The following CCNF variants were observed in gnomAD, a reference collection of about 807,000 sequenced individuals.
The protein encoded by CCNF is cyclin-F.
In CCNF, 30 loss-of-function variants were observed where a neutral mutation model predicts 85.4. The observed-to-expected ratio is 0.35, with a 90% CI of 0.26 to 0.48. The LOEUF (loss-of-function observed/expected upper bound fraction) is 0.48. Ranked by LOEUF, CCNF falls within the 20% of genes least tolerant of loss-of-function variation. The probability of loss-of-function intolerance (pLI) is 0.99; values close to 1 mark genes in which losing one functional copy is unlikely to be tolerated. For synonymous variants in CCNF, 439 were observed against 425.1 expected, an observed-to-expected ratio of 1.03 and a Z score of -0.40; for missense variants, 919 against 1,010.4, an observed-to-expected ratio of 0.91 and a Z score of 1.23.
chr16:2,449,964 T>A (rs764400572), intron 13 of CCNF, 49 bp downstream of exon 13: 93 of 1,337,228 alleles, frequency 7.0e-5, no homozygotes, highest in Non-Finnish European at 9.4e-5. Flanking sequence ...CCCAGCACTT[T>A]GGGAGGCCGA....
At chr16:2,437,028 G>A in intron 4 of CCNF, 101 bp from the exon 5 acceptor site, 1 of 992,650 alleles carries the variant, frequency 1.0e-6, no homozygotes, top group Non-Finnish European at 1.5e-6. Flanking sequence ...TTTGCACTAT[G>A]GTGGGCTTCA....
chr16:2,435,666 CATATATATATATAT>C lies in CCNF; in HGVS notation c.279-115_279-102del, dbSNP rs71148135. 77 of 42,684 alleles carry C rather than the reference CATATATATATATAT, an allele frequency of 1.8e-3. 5 individuals carry two copies. The South Asian group carries it at 0.031, about 17-fold the overall frequency. The allele number at this position is 42,684 out of a possible 1,614,324, so 2.6% of individuals were successfully genotyped here. A position where few individuals can be genotyped will look rare whatever the true frequency, so the allele number is the denominator to read the frequency against. ...ACACATATATATATGCACACACACA[CATATATATATATAT>C]ATATATATATATATATATATATATT... On this transcript the variant is annotated intron_variant, in intron 3 of 16. Transcript: ENST00000397066.
intron 8 of CCNF, 44 bp from the exon 9 acceptor site, chr16:2,443,605 A>C: frequency 1.3e-6 from 2 of 1,596,422 alleles, no homozygotes; most frequent in South Asian, 1.1e-5. Context: ...GAAAACTGCA[A>C]CATGGCTGCT....
At position 2,452,571 on chromosome 16, in the gene CCNF, CCTTT is replaced by C. The variant is rs1442621786; in HGVS notation, c.1488-638_1488-635del. On this transcript the variant is annotated intron_variant, in intron 13 of 16. Transcript: ENST00000397066. This position sits in a 1 kb window ranked among gnomAD's most constrained non-coding sequence, Gnocchi z 4.1. ...GAAACGTTATTTAGAAACTACACTT[CCTTT>C]GATTGTGTGATTTAACGGGCTTTTA... is the stretch of plus-strand genomic sequence containing the variant. The C allele has an allele frequency of 1.3e-5, 2 of 152,390 alleles. No homozygotes were observed. The highest frequency in any genetic ancestry group is 2.4e-5 in the African/African-American group (1 of 41,458). The allele number at this position is 152,390 out of a possible 1,614,324, so 9.4% of individuals were successfully genotyped here.
intron 2 of CCNF, among the ~76,000 whole-genome samples, chr16:2,431,539 G>A (rs1465271074): frequency 6.6e-6 from 1 of 151,826 alleles, no homozygotes; most frequent in Admixed American, 6.6e-5. Flanking sequence ...AATTAGCCGG[G>A]CGTGGTGTCT....
intron 15 of CCNF, among the ~76,000 whole-genome samples, chr16:2,455,153 C>T (rs896088644): frequency 5.9e-5 from 9 of 152,150 alleles, no homozygotes; most frequent in Admixed American, 1.3e-4. Context: ...ACAGCTGAGC[C>T]GGGTGGGCTG....
intron 10 of CCNF, among the ~76,000 whole-genome samples, chr16:2,447,559 G>A (rs116939419): frequency 0.014 from 2,193 of 152,132 alleles, 24 homozygotes; most frequent in Non-Finnish European, 0.02. Context: ...ACTGCAGCCT[G>A]GGCAATGGCG....
At chr16:2,439,256 C>T in intron 6 of CCNF, 97 bp from the exon 7 acceptor site, 2 of 998,852 alleles carry the variant, frequency 2.0e-6, no homozygotes, top group Non-Finnish European at 3.0e-6. Context: ...CAGGATGGCG[C>T]CATTGCACTC....
At chr16:2,449,534 A>C in intron 12 of CCNF, 72 bp downstream of exon 12, 2 of 1,440,310 alleles carry the variant, frequency 1.4e-6, no homozygotes, top group Non-Finnish European at 1.9e-6. Flanking sequence ...TGTGGGGAGG[A>C]AAAGAGTCCA....
chr16:2,438,510 G>A (rs559137642), intron 6 of CCNF, among the ~76,000 whole-genome samples: 3 of 152,116 alleles, frequency 2.0e-5, no homozygotes, highest in Admixed American at 1.3e-4. Flanking sequence ...GCGTGGTGGC[G>A]GGTGCCCATA....
intron 9 of CCNF, among the ~76,000 whole-genome samples, chr16:2,444,082 G>T (rs1455490006): frequency 2.0e-5 from 3 of 151,888 alleles, no homozygotes; most frequent in African/African-American, 7.3e-5. Flanking sequence ...ACCATGCCCG[G>T]CTAATTTTTT....
chr16:2,449,187 A>G, intron 11 of CCNF, 95 bp from the exon 12 acceptor site: 1 of 1,511,880 alleles, frequency 6.6e-7, no homozygotes, highest in Non-Finnish European at 9.2e-7. Context: ...CGGCGTGAAC[A>G]TCATCCGGGC....
Position 2,457,516 on chromosome 16 carries a change from T to C in CCNF, c.*496T>C, listed in dbSNP as rs906809037. ...GTCCCCTCATCCACCTCGGCCTGCATGGGGCACCCACTTCCTTCTGGGTGG... is the reference window on the plus strand; with the variant it reads ...GTCCCCTCATCCACCTCGGCCTGCACGGGGCACCCACTTCCTTCTGGGTGG... On this transcript the variant is annotated 3_prime_UTR_variant, in exon 17 of 17. Coordinates refer to ENST00000397066, the MANE Select transcript of CCNF (RefSeq NM_001761.3). 5 of 155,274 alleles carry C rather than the reference T, an allele frequency of 3.2e-5. No individual in the cohort carries two copies. Among genetic ancestry groups the C allele is most frequent in the African/African-American group, 1.2e-4 (5 of 41,486 alleles). 9.6% of individuals were successfully genotyped at this position (155,274 alleles called of 1,614,324 possible).
chr16:2,450,887 T>C (rs1474177007), intron 13 of CCNF, among the ~76,000 whole-genome samples: 3 of 152,232 alleles, frequency 2.0e-5, no homozygotes, highest in Non-Finnish European at 4.4e-5. Flanking sequence ...TCTGCCCTGA[T>C]GCAGCTGCTG....
In CCNF at chr16:2,439,335, T is replaced by C; in HGVS notation, c.595-18T>C. 2 of 1,568,078 alleles carry C rather than the reference T, an allele frequency of 1.3e-6. No individual in the cohort carries two copies. Among genetic ancestry groups the C allele is most frequent in the Non-Finnish European group, 1.7e-6 (2 of 1,148,566 alleles). On this transcript the variant is annotated intron_variant, in intron 6 of 16. Coordinates refer to ENST00000397066, the MANE Select transcript of CCNF (RefSeq NM_001761.3). The stretch of plus-strand genomic sequence containing the variant: ...AAAAGAATAAGGGAACAATGAACTC[T>C]GCTGGGATTTATTCTAGGATGAGGA...
At chr16:2,441,673 C>T (rs1432095755) in intron 8 of CCNF, among the ~76,000 whole-genome samples, 7 of 151,710 alleles carry the variant, frequency 4.6e-5, no homozygotes, top group Non-Finnish European at 1.0e-4. Flanking sequence ...CCTGCCACCA[C>T]GCCCAGCTAA....
chr16:2,436,084 C>T (rs917804525), intron 4 of CCNF: 2 of 456,552 alleles, frequency 4.4e-6, no homozygotes, highest in Non-Finnish European at 7.8e-6. Flanking sequence ...ACGAAAGTCG[C>T]CTCTTGTTTT....
rs1567381529 is a variant in CCNF at position 2,431,134 on chromosome 16, C to G, written c.21C>G (p.Val7=). Residue 7 remains valine, a synonymous_variant, in exon 2 of 17, where the codon GTC becomes GTG. Coordinates refer to ENST00000397066, the MANE Select transcript of CCNF (RefSeq NM_001761.3). MGSGGV[V]HCRCAKCFCY... is the part of the protein sequence containing the mutation. Reference sequence around the variant, plus strand: ...TTCTGTCTTTTTTTCCTTCAGTGGTCCACTGTAGGTGTGCCAAGTGTTTCT... The same window carrying G: ...TTCTGTCTTTTTTTCCTTCAGTGGTGCACTGTAGGTGTGCCAAGTGTTTCT... The G allele has an allele frequency of 1.2e-6, 2 of 1,613,554 alleles. No homozygotes were observed. The highest frequency in any genetic ancestry group is 8.5e-7 in the Non-Finnish European group (1 of 1,179,816).
chr16:2,440,021 G>A (rs945858958), intron 8 of CCNF, among the ~76,000 whole-genome samples, 195 bp downstream of exon 8: 5 of 152,184 alleles, frequency 3.3e-5, no homozygotes, highest in Non-Finnish European at 5.9e-5. Context: ...GAGAAGAGCT[G>A]GGAAATGCGT....
Sources: gnomAD v4.1 joint callset for allele counts (sites outside exome capture counted in the v4.1 genomes callset) on GRCh38, gnomAD v4.1.1 for gene constraint, Gnocchi (gnomAD v3.1) non-coding constraint, MANE v1.5 for transcripts, NCBI Gene and HGNC (gene_info 2026-07-23, HGNC 2026-07-21) for gene names.